DNMT3A: variants seen among roughly 807,000 people sequenced by gnomAD.
DNMT3A encodes the protein DNA (cytosine-5)-methyltransferase 3A.
DNMT3A carries 267 observed loss-of-function variants against 117.6 expected under a neutral mutation model. That is an observed-to-expected ratio of 2.27 (90% CI 2.05 to 2.51). The LOEUF is 2.51. Ranked by LOEUF, DNMT3A falls within the 30% of genes most tolerant of loss-of-function variation. The pLI, the probability that DNMT3A is intolerant of heterozygous loss-of-function variation, is 0.00. For missense variants in DNMT3A, 1,029 were observed against 1,260.2 expected, an observed-to-expected ratio of 0.82 and a Z score of 2.78; for synonymous variants, 432 against 474.8, an observed-to-expected ratio of 0.91 and a Z score of 1.17.
chr2:25,314,018 G>A lies in DNMT3A; in HGVS notation c.-34C>T. ...CGGGAGGCAGGCTGGGGCTGCGCGGGGCTGGGGGGCTGCTGGGCTTTGGGG... is the reference window on the plus strand; with the variant it reads ...CGGGAGGCAGGCTGGGGCTGCGCGGAGCTGGGGGGCTGCTGGGCTTTGGGG... On this transcript the variant is annotated 5_prime_UTR_variant, in exon 2 of 23. Coordinates refer to ENST00000321117, the MANE Select transcript of DNMT3A (RefSeq NM_022552.5). 2.7e-6 allele frequency: 4 copies of A among 1,505,052 alleles called. No homozygotes were observed. The highest frequency in any genetic ancestry group is 1.8e-4 in the Middle Eastern group (1 of 5,650). The allele number at this position is 1,505,052 out of a possible 1,614,324, so 93.2% of individuals were successfully genotyped here. A position where few individuals can be genotyped will look rare whatever the true frequency, so the allele number is the denominator to read the frequency against.
intron 6 of DNMT3A, chr2:25,249,682 C>T (rs777204244): frequency 1.2e-5 from 20 of 1,614,198 alleles, no homozygotes; most frequent in Admixed American, 3.3e-5. Context: ...TTTCAGGCTA[C>T]GATCCACGCG....
Position 25,252,293 on chromosome 2 carries a change from G to C in DNMT3A, c.640-4041C>G. 8.4e-7 allele frequency: 1 copy of C among 1,187,854 alleles called. No homozygotes were observed. The highest frequency in any genetic ancestry group is 1.1e-6 in the Non-Finnish European group (1 of 871,616). 73.6% of individuals were successfully genotyped at this position (1,187,854 alleles called of 1,614,324 possible). On this transcript the variant is annotated intron_variant, in intron 6 of 22. Transcript: ENST00000321117. This position sits in a 1 kb window ranked among gnomAD's most constrained non-coding sequence, Gnocchi z 5.5. ...GCCCGTCTTGGGGGAGGGGAAGGGG[G>C]CGATGGGGCTGGGGGCGGAGGGGGC...
At chr2:25,259,358 A>T (rs1676420831) in intron 6 of DNMT3A, among the ~76,000 whole-genome samples, 1 of 152,144 alleles carries the variant, frequency 6.6e-6, no homozygotes, top group Admixed American at 6.5e-5. Context: ...GGTGCCCCTT[A>T]CCAGGAAATT....
Position 25,232,781 on chromosome 2 carries a change from CATAATT to C in DNMT3A, c.*1492_*1497del, listed in dbSNP as rs1414002560. On this transcript the variant is annotated 3_prime_UTR_variant, in exon 23 of 23. Transcript: ENST00000321117. This position sits in a 1 kb window ranked among gnomAD's most constrained non-coding sequence, Gnocchi z 4.1. The stretch of plus-strand genomic sequence containing the variant: ...TTCTTAAAGAAAATCTTAAAACAAA[CATAATT>C]ATAACCAGAACCATAAGAATAATTA... 5.0e-6 allele frequency: 1 copy of C among 198,534 alleles called. No homozygotes were observed. Among genetic ancestry groups the C allele is most frequent in the Non-Finnish European group, 1.0e-5 (1 of 96,168 alleles). The allele number at this position is 198,534 out of a possible 1,614,324, so 12.3% of individuals were successfully genotyped here. A position where few individuals can be genotyped will look rare whatever the true frequency, so the allele number is the denominator to read the frequency against.
chr2:25,321,583 A>G (rs13020760), intron 1 of DNMT3A, among the ~76,000 whole-genome samples: 2 of 152,222 alleles, frequency 1.3e-5, no homozygotes, highest in Non-Finnish European at 2.9e-5. Context: ...TAGGGGGGCC[A>G]TTATTCTGGC....
intron 2 of DNMT3A, among the ~76,000 whole-genome samples, chr2:25,310,949 C>G (rs771191342): frequency 2.6e-5 from 4 of 152,190 alleles, no homozygotes; most frequent in Non-Finnish European, 5.9e-5. Context: ...CCACTGGTCC[C>G]CTGCAAACTA....
chr2:25,273,232 T>C (rs1245250964), intron 6 of DNMT3A, among the ~76,000 whole-genome samples: 1 of 152,060 alleles, frequency 6.6e-6, no homozygotes, highest in Non-Finnish European at 1.5e-5. Context: ...CGCCTCAGCC[T>C]CCCAAAGTGC....
rs542256943 is a variant in DNMT3A at position 25,314,405 on chromosome 2, GCCACT to G, written c.-177-249_-177-245del. Reference sequence around the variant, plus strand: ...CTCCGTGTCGCTGCGGCCAATGGGTGCCACTTCTGGGACCTCCAGCTGCCTCCGCC... The same window carrying G: ...CTCCGTGTCGCTGCGGCCAATGGGTGTCTGGGACCTCCAGCTGCCTCCGCC... On this transcript the variant is annotated intron_variant, in intron 1 of 22. Coordinates refer to ENST00000321117, the MANE Select transcript of DNMT3A (RefSeq NM_022552.5). 1.7e-5 allele frequency: 17 copies of G among 985,340 alleles called. No individual in the cohort carries two copies. In the South Asian group the frequency reaches 8.0e-4, roughly 46 times the overall value. 61.0% of individuals were successfully genotyped at this position (985,340 alleles called of 1,614,324 possible).
chr2:25,277,874 AC>A (rs1447603241), intron 4 of DNMT3A, among the ~76,000 whole-genome samples: 1 of 150,692 alleles, frequency 6.6e-6, no homozygotes, highest in Admixed American at 6.6e-5. Flanking sequence ...TCTCAATGTG[AC>A]CCCCTTCCTA....
At chr2:25,263,154 T>C (rs1321988600) in intron 6 of DNMT3A, among the ~76,000 whole-genome samples, 1 of 152,094 alleles carries the variant, frequency 6.6e-6, no homozygotes, top group East Asian at 1.9e-4. Flanking sequence ...CAGGCTGCTC[T>C]TGAACTCCTG....
At chr2:25,319,557 G>A (rs2034514073) in intron 1 of DNMT3A, among the ~76,000 whole-genome samples, 2 of 152,174 alleles carry the variant, frequency 1.3e-5, no homozygotes, top group South Asian at 4.1e-4. Flanking sequence ...GATGGGAAGG[G>A]AGGCTCCAGG....
intron 1 of DNMT3A, among the ~76,000 whole-genome samples, chr2:25,331,382 C>T (rs898964016): frequency 6.6e-6 from 1 of 152,208 alleles, no homozygotes; most frequent in Non-Finnish European, 1.5e-5. Context: ...TTTAGAGGAA[C>T]AGTTTTTGCT....
intron 1 of DNMT3A, among the ~76,000 whole-genome samples, chr2:25,325,111 G>T (rs2034735751): frequency 6.6e-6 from 1 of 152,034 alleles, no homozygotes; most frequent in Non-Finnish European, 1.5e-5. Flanking sequence ...TCACACTAAT[G>T]GTTGCCATGA....
chr2:25,302,093 G>GC (rs1265538408), intron 2 of DNMT3A, among the ~76,000 whole-genome samples: 2 of 152,134 alleles, frequency 1.3e-5, no homozygotes, highest in African/African-American at 4.8e-5. Flanking sequence ...GTTCTGGGAG[G>GC]CCTCCAAAGA....
intron 6 of DNMT3A, among the ~76,000 whole-genome samples, chr2:25,253,090 T>A (rs545205004): frequency 1.3e-5 from 2 of 152,226 alleles, no homozygotes; most frequent in East Asian, 3.9e-4. Context: ...ATTCCTTCAT[T>A]CCCAGGCTCA....
chr2:25,268,875 C>T (rs1344738486), intron 6 of DNMT3A, among the ~76,000 whole-genome samples: 1 of 152,268 alleles, frequency 6.6e-6, no homozygotes, highest in African/African-American at 2.4e-5. Context: ...CCCACATTCA[C>T]CTACCTCCCA....
At chr2:25,262,701 A>G in intron 6 of DNMT3A, among the ~76,000 whole-genome samples, 1 of 152,142 alleles carries the variant, frequency 6.6e-6, no homozygotes, top group East Asian at 1.9e-4. Flanking sequence ...TTCCTAAACT[A>G]TGTGTCCAAT....
At chr2:25,334,118 T>C (rs1180708754) in intron 1 of DNMT3A, among the ~76,000 whole-genome samples, 1 of 152,144 alleles carries the variant, frequency 6.6e-6, no homozygotes, top group African/African-American at 2.4e-5. Flanking sequence ...CCATGTCCTA[T>C]TGAACAGGGG....
At position 25,282,403 on chromosome 2, in the gene DNMT3A, G is replaced by A; in HGVS notation, c.448+38C>T. The stretch of plus-strand genomic sequence containing the variant: ...TCCCTGACTCTCAGGGTATGCTGGT[G>A]GGCCCAGAAGAGGCTGCCCCTGGTG... On this transcript the variant is annotated intron_variant, in intron 4 of 22. Transcript: ENST00000321117. This position sits in a 1 kb window ranked among gnomAD's most constrained non-coding sequence, Gnocchi z 5.2. The A allele has an allele frequency of 6.3e-7, 1 of 1,599,248 alleles. No individual in the cohort carries two copies. The highest frequency in any genetic ancestry group is 8.5e-7 in the Non-Finnish European group (1 of 1,173,258).
Sources: gnomAD v4.1 joint callset for allele counts (sites outside exome capture counted in the v4.1 genomes callset) on GRCh38, gnomAD v4.1.1 for gene constraint, Gnocchi (gnomAD v3.1) non-coding constraint, MANE v1.5 for transcripts, NCBI Gene and HGNC (gene_info 2026-07-23, HGNC 2026-07-21) for gene names.